HS3ST3B1: variants seen among roughly 807,000 people sequenced by gnomAD.
HS3ST3B1 encodes heparan sulfate-glucosamine 3-sulfotransferase 3B1.
In HS3ST3B1, 13 loss-of-function variants were observed where a neutral mutation model predicts 21.3. The ratio of observed to expected loss-of-function variants is 0.61; its 90% CI spans 0.40 to 0.97. HS3ST3B1 has a LOEUF of 0.97. Ranked by LOEUF, HS3ST3B1 falls within the 50% of genes least tolerant of loss-of-function variation. The probability of loss-of-function intolerance (pLI) is 0.00; values close to 1 mark genes in which losing one functional copy is unlikely to be tolerated. For missense variants in HS3ST3B1, 459 were observed against 554.8 expected (o/e 0.83, Z 1.73); for synonymous variants, 234 against 254.8 (o/e 0.92, Z 0.78).
intron 1 of HS3ST3B1, among the ~76,000 whole-genome samples, chr17:14,318,080 C>A (rs368370904): frequency 3.0e-4 from 46 of 152,244 alleles, no homozygotes; most frequent in African/African-American, 1.0e-3. Context: ...TCCACACACC[C>A]CCTCCCTGCT....
intron 1 of HS3ST3B1, among the ~76,000 whole-genome samples, chr17:14,340,356 G>A (rs564292413): frequency 4.1e-4 from 62 of 151,958 alleles, no homozygotes; most frequent in Non-Finnish European, 6.6e-4. Context: ...GATCGGTTTA[G>A]CCAGAATTCC....
At chr17:14,338,560 A>G (rs1794350983) in intron 1 of HS3ST3B1, among the ~76,000 whole-genome samples, 1 of 151,722 alleles carries the variant, frequency 6.6e-6, no homozygotes, top group Admixed American at 6.6e-5. Context: ...CTCCTGCCTC[A>G]GCCTCCCAAG....
intron 1 of HS3ST3B1, among the ~76,000 whole-genome samples, chr17:14,341,725 C>G (rs1006933600): frequency 3.3e-5 from 5 of 152,108 alleles, no homozygotes; most frequent in African/African-American, 1.2e-4. Context: ...CCCGAAGAAC[C>G]TTGGGGTTTG....
chr17:14,323,791 A>C, intron 1 of HS3ST3B1, among the ~76,000 whole-genome samples: 1 of 152,120 alleles, frequency 6.6e-6, no homozygotes, highest in East Asian at 1.9e-4. Flanking sequence ...TTGTCTTTGG[A>C]GAGGTTTGAG....
chr17:14,316,537 T>C (rs1909506805), intron 1 of HS3ST3B1, among the ~76,000 whole-genome samples: 1 of 152,152 alleles, frequency 6.6e-6, no homozygotes, highest in South Asian at 2.1e-4. Flanking sequence ...GGTGAAGCTT[T>C]TTTCCACCCT....
At chr17:14,319,888 G>A (rs1212087910) in intron 1 of HS3ST3B1, among the ~76,000 whole-genome samples, 1 of 151,994 alleles carries the variant, frequency 6.6e-6, no homozygotes, top group African/African-American at 2.4e-5. Context: ...CCCAAGCAAT[G>A]TACACTGTAC....
At chr17:14,313,150 A>ATATATGTGT (rs1347236175) in intron 1 of HS3ST3B1, among the ~76,000 whole-genome samples, 1 of 150,196 alleles carries the variant, frequency 6.7e-6, no homozygotes, top group African/African-American at 2.5e-5. Context: ...ATATATTTTT[A>ATATATGTGT]GTAGAGACAG....
intron 1 of HS3ST3B1, among the ~76,000 whole-genome samples, chr17:14,312,774 T>C (rs903812766): frequency 6.6e-6 from 1 of 152,004 alleles, no homozygotes; most frequent in African/African-American, 2.4e-5. Flanking sequence ...GGGATCACAT[T>C]GACACACCCC....
chr17:14,314,180 T>C lies in HS3ST3B1; in HGVS notation c.554+12108T>C, dbSNP rs377476677. On this transcript the variant is annotated intron_variant, in intron 1 of 1. Transcript: ENST00000360954. ...TATTAGTAGAGACAGGGTTTCTCCA[T>C]GTTGGTCAGGCTGGTCTTGAACTCC... Among the ~76,000 whole-genome samples, 206 of 152,064 alleles carry C rather than the reference T, an allele frequency of 1.4e-3. 2 individuals are homozygous for C. Among genetic ancestry groups the C allele is most frequent in the African/African-American group, 4.6e-3 (191 of 41,470 alleles).
At chr17:14,309,104 C>T (rs1468782000) in intron 1 of HS3ST3B1, among the ~76,000 whole-genome samples, 1 of 152,220 alleles carries the variant, frequency 6.6e-6, no homozygotes, top group Admixed American at 6.5e-5. Context: ...GTGTCCGCTC[C>T]TTTCGGGAGC....
chr17:14,305,403 G>A (rs1909101131), intron 1 of HS3ST3B1: 1 of 152,234 alleles, frequency 6.6e-6, no homozygotes. Context: ...TGGTTCAGGA[G>A]AATTTCACAT....
At chr17:14,307,633 G>A (rs769474857) in intron 1 of HS3ST3B1, among the ~76,000 whole-genome samples, 3 of 152,102 alleles carry the variant, frequency 2.0e-5, no homozygotes, top group Non-Finnish European at 2.9e-5. Context: ...GAATCAGGGA[G>A]GTGGCATTTA....
At chr17:14,325,916 C>G (rs1030403110) in intron 1 of HS3ST3B1, among the ~76,000 whole-genome samples, 11 of 152,152 alleles carry the variant, frequency 7.2e-5, no homozygotes, top group Admixed American at 3.9e-4. Flanking sequence ...CTTTATCTAG[C>G]AACTGTTTAT....
chr17:14,339,484 A>G (rs1207247834), intron 1 of HS3ST3B1, among the ~76,000 whole-genome samples: 1 of 152,228 alleles, frequency 6.6e-6, no homozygotes, highest in African/African-American at 2.4e-5. Context: ...AGAGAGGATC[A>G]TCATGAATGG....
intron 1 of HS3ST3B1, among the ~76,000 whole-genome samples, chr17:14,336,364 CAGA>C (rs1321592070): frequency 1.3e-5 from 2 of 152,162 alleles, no homozygotes; most frequent in African/African-American, 2.4e-5. Flanking sequence ...AAGGAAGAAG[CAGA>C]AGAAGATATT....
intron 1 of HS3ST3B1, among the ~76,000 whole-genome samples, chr17:14,315,141 A>G (rs1425557468): frequency 6.6e-6 from 1 of 152,050 alleles, no homozygotes; most frequent in African/African-American, 2.4e-5. Flanking sequence ...TTTGCTGTGG[A>G]TAGTCAGGTC....
rs983216326 is a variant in HS3ST3B1 at position 14,347,149 on chromosome 17, T to C, written c.*1503T>C. The C allele has an allele frequency of 6.6e-6, 1 of 152,198 alleles. No homozygotes were observed. Among genetic ancestry groups the C allele is most frequent in the African/African-American group, 2.4e-5 (1 of 41,446 alleles). 9.4% of individuals were successfully genotyped at this position (152,198 alleles called of 1,614,324 possible). A position where few individuals can be genotyped will look rare whatever the true frequency, so the allele number is the denominator to read the frequency against. Reference sequence around the variant, plus strand: ...AAGAGTGGCCCTTGCAAAAAAAGGTTGGGAAAGCTGGGCCCATATTGCCTG... The same window carrying C: ...AAGAGTGGCCCTTGCAAAAAAAGGTCGGGAAAGCTGGGCCCATATTGCCTG... On this transcript the variant is annotated 3_prime_UTR_variant, in exon 2 of 2. Coordinates refer to ENST00000360954, the MANE Select transcript of HS3ST3B1 (RefSeq NM_006041.3).
chr17:14,326,460 A>G (rs536475843), intron 1 of HS3ST3B1, among the ~76,000 whole-genome samples: 9 of 152,170 alleles, frequency 5.9e-5, no homozygotes, highest in Non-Finnish European at 1.0e-4. Context: ...TTTCCAATCC[A>G]TTTTTCTAAC....
chr17:14,301,686 C>T lies in HS3ST3B1; in HGVS notation c.168C>T (p.Ala56=), dbSNP rs763989135. 5 of 1,600,820 alleles carry T rather than the reference C, an allele frequency of 3.1e-6. No individual in the cohort carries two copies. Among genetic ancestry groups the T allele is most frequent in the Non-Finnish European group, 3.4e-6 (4 of 1,175,866 alleles). The change falls in exon 1 of 2, where the codon GCC becomes GCT. Residue 56 remains alanine, a synonymous_variant. Coordinates refer to ENST00000360954, the MANE Select transcript of HS3ST3B1 (RefSeq NM_006041.3). ...MFLYSCAGSC[A]AAPGLLLLGS... ...TGTACTCGTGCGCCGGCTCCTGCGC[C>T]GCCGCGCCGGGGCTGCTGCTCCTGG... is the stretch of plus-strand genomic sequence containing the variant.
Sources: gnomAD v4.1 joint callset for allele counts (sites outside exome capture counted in the v4.1 genomes callset) on GRCh38, gnomAD v4.1.1 for gene constraint, MANE v1.5 for transcripts, NCBI Gene and HGNC (gene_info 2026-07-23, HGNC 2026-07-21) for gene names.